The following KCNIP4 variants were observed in gnomAD, a reference collection of about 807,000 sequenced individuals.
The protein encoded by KCNIP4 is Kv channel-interacting protein 4.
KCNIP4 carries 12 observed loss-of-function variants against 34.0 expected under a neutral mutation model. That is an observed-to-expected ratio of 0.35 (90% CI 0.23 to 0.57). The LOEUF is 0.57. KCNIP4 is among the 20% of genes least tolerant of loss of function. The pLI, the probability that KCNIP4 is intolerant of heterozygous loss-of-function variation, is 0.83. For missense variants in KCNIP4, 238 were observed against 311.7 expected (o/e 0.76, Z 1.78); for synonymous variants, 124 against 102.2 (o/e 1.21, Z -1.29).
At chr4:21,028,467 C>G (rs1015010204) in intron 1 of KCNIP4, among the ~76,000 whole-genome samples, 1 of 152,168 alleles carries the variant, frequency 6.6e-6, no homozygotes, top group African/African-American at 2.4e-5. Context: ...ATTCACTCCT[C>G]TAAATCATAG....
chr4:21,151,406 ATTTTTTTTTTTTTTTT>A (rs35983306), intron 1 of KCNIP4, among the ~76,000 whole-genome samples: 1 of 51,276 alleles, frequency 2.0e-5, no homozygotes, highest in East Asian at 5.8e-4. Flanking sequence ...ACAAAAGACA[ATTTTTTTTTTTTTTTT>A]TTTTTTTTTT....
At chr4:21,931,206 C>T (rs1197878362) in intron 1 of KCNIP4, among the ~76,000 whole-genome samples, 3 of 150,986 alleles carry the variant, frequency 2.0e-5, no homozygotes, top group Admixed American at 6.6e-5. Flanking sequence ...TATGCACCTA[C>T]AATAGGAGCT....
chr4:21,506,205 A>T (rs1733835688), intron 1 of KCNIP4, among the ~76,000 whole-genome samples: 1 of 152,108 alleles, frequency 6.6e-6, no homozygotes, highest in African/African-American at 2.4e-5. Context: ...TTAATTTTTC[A>T]TTTACATTTT....
At chr4:20,779,143 C>T (rs1453245434) in intron 3 of KCNIP4, among the ~76,000 whole-genome samples, 2 of 152,088 alleles carry the variant, frequency 1.3e-5, no homozygotes, top group African/African-American at 4.8e-5. Flanking sequence ...AAACAGGTGC[C>T]AGCTATACAC....
intron 1 of KCNIP4, among the ~76,000 whole-genome samples, chr4:21,824,764 T>C (rs1722572380): frequency 6.6e-6 from 1 of 152,134 alleles, no homozygotes; most frequent in South Asian, 2.1e-4. Flanking sequence ...GGGCTCTATC[T>C]GGGCAGCAAT....
intron 1 of KCNIP4, among the ~76,000 whole-genome samples, chr4:21,912,538 G>A (rs1005476748): frequency 6.6e-6 from 1 of 152,114 alleles, no homozygotes; most frequent in Non-Finnish European, 1.5e-5. Flanking sequence ...GAAATAATGT[G>A]GATAAAGAAA....
intron 1 of KCNIP4, among the ~76,000 whole-genome samples, chr4:21,719,974 A>AG (rs1714670434): frequency 9.7e-6 from 1 of 102,614 alleles, no homozygotes; most frequent in African/African-American, 4.1e-5. Flanking sequence ...AAAAAAAAAA[A>AG]AAAAAGAAGA....
intron 1 of KCNIP4, among the ~76,000 whole-genome samples, chr4:21,231,002 G>C (rs1216661932): frequency 6.6e-6 from 1 of 151,996 alleles, no homozygotes. Flanking sequence ...GTTCCTATTG[G>C]GGAATAAATT....
intron 4 of KCNIP4, among the ~76,000 whole-genome samples, chr4:20,750,403 G>T (rs1452482544): frequency 6.6e-6 from 1 of 152,104 alleles, no homozygotes; most frequent in Non-Finnish European, 1.5e-5. Flanking sequence ...GGGACTGGGT[G>T]GTCCTACATG....
At position 20,916,344 on chromosome 4, in the gene KCNIP4, C is replaced by T. The variant is rs922530658; in HGVS notation, c.62-33635G>A. The T allele has an allele frequency of 3.0e-6, 3 of 984,032 alleles. No homozygotes were observed. The African/African-American group carries it at 5.4e-5, about 18-fold the overall frequency. 61.0% of individuals were successfully genotyped at this position (984,032 alleles called of 1,614,324 possible). On this transcript the variant is annotated intron_variant, in intron 1 of 8. Transcript: ENST00000382152. ...TTACCTCTTTGCAGTTGTTATGGTG[C>T]ACTTGCCTCATCCTGTAAAATTGTG...
At chr4:21,074,443 C>A (rs1745284069) in intron 1 of KCNIP4, among the ~76,000 whole-genome samples, 1 of 152,142 alleles carries the variant, frequency 6.6e-6, no homozygotes, top group Non-Finnish European at 1.5e-5. Flanking sequence ...TTATAGTATT[C>A]TCTGATGGTA....
At chr4:21,049,555 T>G (rs1400914961) in intron 1 of KCNIP4, among the ~76,000 whole-genome samples, 1 of 152,176 alleles carries the variant, frequency 6.6e-6, no homozygotes, top group Non-Finnish European at 1.5e-5. Flanking sequence ...AATGTACAAG[T>G]GTTTCTATTC....
At chr4:21,200,686 C>T (rs996478568) in intron 1 of KCNIP4, among the ~76,000 whole-genome samples, 20 of 151,592 alleles carry the variant, frequency 1.3e-4, no homozygotes, top group Admixed American at 9.2e-4. Flanking sequence ...CTATTGGGTA[C>T]GAGGTAGGCT....
chr4:21,201,926 T>C (rs1756527024), intron 1 of KCNIP4, among the ~76,000 whole-genome samples: 1 of 152,214 alleles, frequency 6.6e-6, no homozygotes, highest in South Asian at 2.1e-4. Flanking sequence ...CTATATCCCA[T>C]CACCCATCAT....
rs1287800810 is a variant in KCNIP4, at chr4:21,178,487, A to T, written c.62-295778T>A. Among the ~76,000 whole-genome samples, 425 of 150,804 alleles carry T rather than the reference A, an allele frequency of 2.8e-3. 3 individuals carry two copies. The highest frequency in any genetic ancestry group is 9.9e-3 in the African/African-American group (397 of 40,198). ...GTAGTGGATTCACAGACCTCAGTTT[A>T]TTTCCAGGTATAGTAACCATGTGTC... is the stretch of plus-strand genomic sequence containing the variant. On this transcript the variant is annotated intron_variant, in intron 1 of 8. Transcript: ENST00000382152.
rs539769166 is a variant in KCNIP4, at chr4:21,429,772, C to T, written c.61+518799G>A. Reference sequence around the variant, plus strand: ...AATTCTGCAAATTTATTTATTTAGCCCTCAAACTGGGAAGGAAATTATTTT... The same window carrying T: ...AATTCTGCAAATTTATTTATTTAGCTCTCAAACTGGGAAGGAAATTATTTT... On this transcript the variant is annotated intron_variant, in intron 1 of 8. Coordinates refer to ENST00000382152, the MANE Select transcript of KCNIP4 (RefSeq NM_025221.6). 3.9e-5 allele frequency among the ~76,000 whole-genome samples: 6 copies of T among 152,088 alleles called. No individual in the cohort carries two copies. In the East Asian group the frequency reaches 1.2e-3, roughly 29 times the overall value.
intron 1 of KCNIP4, among the ~76,000 whole-genome samples, chr4:21,711,950 T>C (rs1016366918): frequency 9.9e-5 from 15 of 152,186 alleles, no homozygotes; most frequent in African/African-American, 3.6e-4. Flanking sequence ...AACTGGCCTA[T>C]ACTCATTGCA....
chr4:20,750,150 CATT>C (rs1753330077), intron 4 of KCNIP4, among the ~76,000 whole-genome samples: 1 of 152,138 alleles, frequency 6.6e-6, no homozygotes, highest in African/African-American at 2.4e-5. Flanking sequence ...GTGTCTCTGT[CATT>C]ATTAGAACTT....
chr4:21,379,724 T>C (rs183530734), intron 1 of KCNIP4, among the ~76,000 whole-genome samples: 28 of 152,286 alleles, frequency 1.8e-4, no homozygotes, highest in African/African-American at 6.3e-4. Context: ...CAAGAAACAG[T>C]TCCTGTATTA....
Sources: allele counts gnomAD v4.1 joint callset (sites outside exome capture counted in the v4.1 genomes callset), GRCh38; gene constraint gnomAD v4.1.1; transcripts MANE v1.5; gene names NCBI Gene and HGNC (gene_info 2026-07-23, HGNC 2026-07-21).